RBFOX1: variants seen among roughly 807,000 people sequenced by gnomAD.
RBFOX1 encodes RNA binding fox-1 homolog 1.
Under a neutral mutation model 57.7 loss-of-function variants are expected in RBFOX1, and 8 were observed. The ratio of observed to expected loss-of-function variants is 0.14; its 90% confidence interval spans 0.08 to 0.25. RBFOX1 has a LOEUF of 0.25. Among genes scored for constraint, RBFOX1 ranks in the 10% least tolerant of loss-of-function variants. The pLI, the probability that RBFOX1 is intolerant of heterozygous loss-of-function variation, is 1.00. For missense variants in RBFOX1, 611 were observed against 548.5 expected (o/e 1.11, Z -1.14); for synonymous variants, 326 against 222.4 (o/e 1.47, Z -4.15).
intron 4 of RBFOX1, among the ~76,000 whole-genome samples, chr16:7,269,435 T>C (rs1280893659): frequency 6.6e-6 from 1 of 152,170 alleles, no homozygotes; most frequent in Non-Finnish European, 1.5e-5. Flanking sequence ...TTTTGGGGTC[T>C]CTGTGTGTGT....
At chr16:6,898,222 G>T (rs188569513) in intron 3 of RBFOX1, among the ~76,000 whole-genome samples, 2 of 152,038 alleles carry the variant, frequency 1.3e-5, no homozygotes, top group Non-Finnish European at 2.9e-5. Context: ...ACCCATGGCC[G>T]CCCCTTTGGC....
intron 2 of RBFOX1, among the ~76,000 whole-genome samples, chr16:6,630,792 C>G (rs2098375681): frequency 6.6e-6 from 1 of 152,108 alleles, no homozygotes; most frequent in Non-Finnish European, 1.5e-5. Context: ...ACCTATGTTA[C>G]CCGACCTGCT....
At chr16:6,362,567 A>G (rs1406148296) in intron 2 of RBFOX1, among the ~76,000 whole-genome samples, 1 of 152,212 alleles carries the variant, frequency 6.6e-6, no homozygotes, top group Non-Finnish European at 1.5e-5. Context: ...CTCTGACAGC[A>G]GCTTTCTGTT....
At chr16:5,541,509 A>G (rs1467803179) in intron 2 of RBFOX1, among the ~76,000 whole-genome samples, 1 of 152,138 alleles carries the variant, frequency 6.6e-6, no homozygotes, top group African/African-American at 2.4e-5. Flanking sequence ...GGGGGCTTCC[A>G]GGTCACTGGT....
intron 1 of RBFOX1, among the ~76,000 whole-genome samples, chr16:6,082,176 C>CTTTTT (rs58215856): frequency 1.3e-4 from 12 of 89,904 alleles, no homozygotes; most frequent in African/African-American, 3.3e-4. Context: ...AATACCAGTG[C>CTTTTT]TTTTTTTTTT....
chr16:6,365,963 C>A (rs1188346586), intron 2 of RBFOX1, among the ~76,000 whole-genome samples: 1 of 151,496 alleles, frequency 6.6e-6, no homozygotes, highest in East Asian at 1.9e-4. Context: ...TTTTACTTTC[C>A]CCTCCTTCTC....
At chr16:6,965,063 G>C (rs923854139) in intron 3 of RBFOX1, among the ~76,000 whole-genome samples, 4 of 152,002 alleles carry the variant, frequency 2.6e-5, no homozygotes, top group Non-Finnish European at 5.9e-5. Flanking sequence ...CTGGAGTCTG[G>C]GGGTGGCAGT....
intron 4 of RBFOX1, among the ~76,000 whole-genome samples, chr16:5,882,469 C>T (rs2057786757): frequency 6.6e-6 from 1 of 152,160 alleles, no homozygotes; most frequent in South Asian, 2.1e-4. Context: ...TGCAAGGGTG[C>T]CTGGGAAATG....
chr16:5,935,486 C>A (rs572958145), intron 4 of RBFOX1, among the ~76,000 whole-genome samples: 111 of 152,216 alleles, frequency 7.3e-4, no homozygotes, highest in African/African-American at 2.6e-3. Context: ...AGGAGCTGTT[C>A]CTAATTGGTA....
intron 4 of RBFOX1, among the ~76,000 whole-genome samples, chr16:7,228,152 C>A (rs534251309): frequency 6.1e-4 from 93 of 152,236 alleles, no homozygotes; most frequent in African/African-American, 2.1e-3. Flanking sequence ...ACTGTAAGTT[C>A]CGCGAGAGCA....
chr16:7,411,575 C>A (rs1052261249), intron 4 of RBFOX1, among the ~76,000 whole-genome samples: 1 of 152,156 alleles, frequency 6.6e-6, no homozygotes, highest in African/African-American at 2.4e-5. Flanking sequence ...TGAGGGACAT[C>A]GTGCAAAATA....
chr16:5,641,124 A>G (rs1369513902), intron 3 of RBFOX1, among the ~76,000 whole-genome samples: 1 of 151,872 alleles, frequency 6.6e-6, no homozygotes, highest in African/African-American at 2.4e-5. Context: ...ACACATGCAT[A>G]CACACATGCA....
chr16:5,373,265 T>G (rs1278001088), intron 1 of RBFOX1, among the ~76,000 whole-genome samples: 1 of 152,150 alleles, frequency 6.6e-6, no homozygotes, highest in Non-Finnish European at 1.5e-5. Flanking sequence ...TTTAGAGAGA[T>G]AGGGCCAGTG....
intron 4 of RBFOX1, among the ~76,000 whole-genome samples, chr16:7,240,948 T>G (rs962670838): frequency 6.6e-6 from 1 of 152,230 alleles, no homozygotes; most frequent in Non-Finnish European, 1.5e-5. Context: ...AGTTTCTAAC[T>G]TTGTTGGAAC....
chr16:6,551,310 G>A (rs933588881), intron 2 of RBFOX1, among the ~76,000 whole-genome samples: 1 of 152,154 alleles, frequency 6.6e-6, no homozygotes, highest in Non-Finnish European at 1.5e-5. Context: ...TACTGGGATG[G>A]TCTAGTCTGG....
At chr16:7,483,038 C>T (rs2064411533) in intron 4 of RBFOX1, among the ~76,000 whole-genome samples, 1 of 152,152 alleles carries the variant, frequency 6.6e-6, no homozygotes, top group Admixed American at 6.5e-5. Context: ...CAGCCTGGAA[C>T]ACCGTGGGAG....
At chr16:7,360,052 T>C (rs2097292222) in intron 4 of RBFOX1, among the ~76,000 whole-genome samples, 1 of 152,106 alleles carries the variant, frequency 6.6e-6, no homozygotes, top group Non-Finnish European at 1.5e-5. Context: ...TTACACTATA[T>C]AGTCTTTCTA....
chr16:5,282,125 A>T (rs1185712721), intron 1 of RBFOX1, among the ~76,000 whole-genome samples: 2 of 152,140 alleles, frequency 1.3e-5, no homozygotes, highest in Non-Finnish European at 2.9e-5. Flanking sequence ...CAGTCTCATG[A>T]GATCTGAGAG....
chr16:7,653,775 C>T, intron 11 of RBFOX1, 40 bp from the exon 12 acceptor site: 1 of 1,582,498 alleles, frequency 6.3e-7, no homozygotes, highest in South Asian at 1.1e-5. Context: ...GTGCATCTGA[C>T]AGCCTGTGCT....
Sources: allele counts gnomAD v4.1 joint callset (sites outside exome capture counted in the v4.1 genomes callset), GRCh38; gene constraint gnomAD v4.1.1; transcripts MANE v1.5; gene names NCBI Gene and HGNC (gene_info 2026-07-23, HGNC 2026-07-21).